The following PLEKHA6 variants were observed in gnomAD, a reference collection of about 807,000 sequenced individuals.
The protein encoded by PLEKHA6 is pleckstrin homology domain-containing family A member 6.
A neutral mutation model predicts 116.7 loss-of-function variants in PLEKHA6; 60 were observed. That is an observed-to-expected ratio of 0.51 (90% CI 0.42 to 0.64). The LOEUF (loss-of-function observed/expected upper bound fraction) is 0.64, where lower values mean the gene tolerates loss of function less well. PLEKHA6 is among the 30% of genes least tolerant of loss of function. The probability of loss-of-function intolerance (pLI) is 0.00; values close to 1 mark genes in which losing one functional copy is unlikely to be tolerated. For missense variants in PLEKHA6, 1,338 were observed against 1,422.7 expected (o/e 0.94, Z 0.96); for synonymous variants, 489 against 556.1 (o/e 0.88, Z 1.70).
At chr1:204,260,951 G>A (rs1294968607) in intron 7 of PLEKHA6, among the ~76,000 whole-genome samples, 1 of 152,210 alleles carries the variant, frequency 6.6e-6, no homozygotes, top group Non-Finnish European at 1.5e-5. Flanking sequence ...TGGACAAGGT[G>A]TGATTCAAAC....
chr1:204,362,447 T>C (rs1673579635), upstream of PLEKHA6, among the ~76,000 whole-genome samples: 1 of 151,790 alleles, frequency 6.6e-6, no homozygotes, highest in Admixed American at 6.6e-5. Flanking sequence ...AACACACGGG[T>C]CCTCCCCACC....
At chr1:204,293,060 G>A (rs1230180164) in intron 1 of PLEKHA6, among the ~76,000 whole-genome samples, 1 of 152,164 alleles carries the variant, frequency 6.6e-6, no homozygotes, top group Non-Finnish European at 1.5e-5. Flanking sequence ...ATGACTGGGA[G>A]AGGGAGCAAG....
Position 204,241,480 on chromosome 1 carries a change from A to G in PLEKHA6, c.2304T>C (p.Val768=). The change falls in exon 17 of 23, where the codon GTT becomes GTC. Residue 768 remains valine, a splice_region_variant and synonymous_variant. Coordinates refer to ENST00000272203, the MANE Select transcript of PLEKHA6 (RefSeq NM_014935.5). ...EAEKQAALNK[V]GVVPPRTKSP... is the part of the protein sequence containing the mutation. Reference sequence around the variant, plus strand: ...ATTTTGTCCGAGGGGGCACAACGCCAACTGCAGAAAGACAGAGTAGCCAGT... The same window carrying G: ...ATTTTGTCCGAGGGGGCACAACGCCGACTGCAGAAAGACAGAGTAGCCAGT... 1.3e-6 allele frequency: 2 copies of G among 1,594,598 alleles called. No homozygotes were observed. The highest frequency in any genetic ancestry group is 8.5e-7 in the Non-Finnish European group (1 of 1,169,634).
At chr1:204,347,767 C>T (rs1209320508) in intron 1 of PLEKHA6, among the ~76,000 whole-genome samples, 3 of 152,044 alleles carry the variant, frequency 2.0e-5, no homozygotes, top group Non-Finnish European at 4.4e-5. Flanking sequence ...CCTGACTTCC[C>T]GCAACAAAAG....
intron 1 of PLEKHA6, among the ~76,000 whole-genome samples, chr1:204,372,480 G>A (rs1032180050): frequency 6.6e-6 from 1 of 152,134 alleles, no homozygotes; most frequent in Non-Finnish European, 1.5e-5. Context: ...GGGACTCTCA[G>A]GTCACGTGGA....
At chr1:204,355,830 T>C (rs1033406953) in intron 1 of PLEKHA6, among the ~76,000 whole-genome samples, 3 of 152,244 alleles carry the variant, frequency 2.0e-5, no homozygotes, top group Non-Finnish European at 2.9e-5. Flanking sequence ...GGACATATTA[T>C]ATATTGCATT....
chr1:204,263,254 A>G lies in PLEKHA6; in HGVS notation c.381+1688T>C, dbSNP rs375032481. ...GAGTGGGTAGGGGCGCTGGCCTGGA[A>G]CTATGAAAGGGGGCCAGAGAATTGA... On this transcript the variant is annotated intron_variant, in intron 6 of 22. Transcript: ENST00000272203. Among the ~76,000 whole-genome samples, 21 of 152,330 alleles carry G rather than the reference A, an allele frequency of 1.4e-4. No individual in the cohort carries two copies. In the South Asian group the frequency reaches 4.4e-3, roughly 32 times the overall value.
rs756601064 is a variant in PLEKHA6, at chr1:204,259,503, G to A, written c.762C>T (p.Pro254=). 1.8e-5 allele frequency: 29 copies of A among 1,614,078 alleles called. No individual in the cohort carries two copies. The East Asian group carries it at 2.2e-4, about 12-fold the overall frequency. Residue 254 remains proline (P), a synonymous_variant, in exon 8 of 23, where the codon CCC becomes CCT. Coordinates refer to ENST00000272203, the MANE Select transcript of PLEKHA6 (RefSeq NM_014935.5). This position sits in a 1 kb window ranked among gnomAD's most constrained non-coding sequence, Gnocchi z 4.6. ...CACCCCCTGGCACTCTTGGGCCCTC[G>A]GGGTAAGGGCTGCCCGGCTCTGAGG... is the stretch of plus-strand genomic sequence containing the variant. ...EPASEPGSPY[P]EGPRVPGGGE...
chr1:204,228,142 C>T lies in PLEKHA6; in HGVS notation c.2972G>A (p.Arg991Gln), dbSNP rs755097108. ...SESQLQEQEKRIEISCALATE... is the reference protein window; with the variant it reads ...SESQLQEQEKQIEISCALATE... ...CGCCAGGGCGCAGGAGATTTCAATCCGCTTCTCCTGCTCCTGCAGCTGGCT... is the reference window on the plus strand; with the variant it reads ...CGCCAGGGCGCAGGAGATTTCAATCTGCTTCTCCTGCTCCTGCAGCTGGCT... The change falls in exon 21 of 23, where the codon CGG (arginine) becomes CAG (glutamine). Residue 991 changes from arginine to glutamine, a missense_variant. Transcript: ENST00000272203. This position sits in a 1 kb window ranked among gnomAD's most constrained non-coding sequence, Gnocchi z 4.0. 7 of 1,613,332 alleles carry T rather than the reference C, an allele frequency of 4.3e-6. No individual in the cohort carries two copies. Among genetic ancestry groups the T allele is most frequent in the Middle Eastern group, 3.3e-4 (2 of 6,058 alleles).
intron 2 of PLEKHA6, chr1:204,368,802 A>T (rs1673717976): frequency 6.6e-6 from 1 of 152,300 alleles, no homozygotes; most frequent in Non-Finnish European, 1.5e-5. Flanking sequence ...CCTGGCTGAC[A>T]TATTGGAAAA....
At chr1:204,363,196 C>T (rs1463307682), upstream of PLEKHA6, among the ~76,000 whole-genome samples, 1 of 152,190 alleles carries the variant, frequency 6.6e-6, no homozygotes, top group African/African-American at 2.4e-5. Flanking sequence ...GGGGTCTGTA[C>T]TGATGAATCC....
chr1:204,313,326 C>T (rs1049213107), intron 1 of PLEKHA6, among the ~76,000 whole-genome samples: 10 of 152,120 alleles, frequency 6.6e-5, no homozygotes, highest in African/African-American at 2.2e-4. Flanking sequence ...AGTCAGGCCT[C>T]CCCACACAGC....
chr1:204,230,675 G>T, intron 17 of PLEKHA6, 89 bp from the exon 18 acceptor site: 1 of 1,182,714 alleles, frequency 8.5e-7, no homozygotes. Flanking sequence ...ACCTTCTACG[G>T]GAAGTCTGCC....
intron 12 of PLEKHA6, 40 bp from the exon 13 acceptor site, chr1:204,247,500 A>T: frequency 2.3e-6 from 3 of 1,331,038 alleles, no homozygotes; most frequent in Non-Finnish European, 3.2e-6. Context: ...AGCCGCCATC[A>T]CCAAGGCATT....
At chr1:204,243,271 A>G (rs1663112007) in intron 15 of PLEKHA6, 1 of 399,830 alleles carries the variant, frequency 2.5e-6, no homozygotes, top group Non-Finnish European at 4.4e-6. Context: ...TTCCTGAGGC[A>G]GACAGAAGCC....
Position 204,250,574 on chromosome 1 carries a change from G to T in PLEKHA6, c.1565C>A (p.Thr522Asn). ...TGTGTCTTGCTCGTTTAACTTGTAG[G>T]TGTGGAGGCTGTCCCGGAACACTTC... ...YPEVFRDSLH[T>N]YKLNEQDTDK... Residue 522 changes from threonine (T) to asparagine (N), a missense_variant, in exon 10 of 23, where the codon ACC becomes AAC. Physicochemically the swap from Thr to Asn is moderately conservative, Grantham distance 65. Transcript: ENST00000272203. 1 of 1,612,940 alleles carries T rather than the reference G, an allele frequency of 6.2e-7. No homozygotes were observed. The highest frequency in any genetic ancestry group is 1.7e-4 in the Middle Eastern group (1 of 6,058).
chr1:204,295,694 G>A (rs1436654712), intron 1 of PLEKHA6, among the ~76,000 whole-genome samples: 1 of 151,994 alleles, frequency 6.6e-6, no homozygotes, highest in Non-Finnish European at 1.5e-5. Flanking sequence ...CCTTCCAAAG[G>A]CTGCCTGCTC....
chr1:204,281,321 C>G lies in PLEKHA6; in HGVS notation c.-94-6512G>C, dbSNP rs563181122. Among the ~76,000 whole-genome samples the G allele has an allele frequency of 1.9e-4, 29 of 152,224 alleles. No homozygotes were observed. In the South Asian group the frequency reaches 5.8e-3, roughly 31 times the overall value. On this transcript the variant is annotated intron_variant, in intron 1 of 22. Transcript: ENST00000272203. ...CGGGCAGATCACGAGGTCAGGAGAT[C>G]AAGACCATCCTGGCTAACACAGTGA...
chr1:204,356,216 G>A (rs1464359059), intron 1 of PLEKHA6, among the ~76,000 whole-genome samples: 1 of 152,094 alleles, frequency 6.6e-6, no homozygotes, highest in East Asian at 1.9e-4. Flanking sequence ...GTTTAACATA[G>A]GGGCCAAATC....
Sources: allele counts gnomAD v4.1 joint callset (sites outside exome capture counted in the v4.1 genomes callset), GRCh38; gene constraint gnomAD v4.1.1; non-coding constraint Gnocchi (gnomAD v3.1); transcripts MANE v1.5; gene names NCBI Gene and HGNC (gene_info 2026-07-23, HGNC 2026-07-21).